Variants in SCLT1 observed in about 807,000 individuals in gnomAD.
The protein encoded by SCLT1 is sodium channel-associated protein 1.
A neutral mutation model predicts 112.8 loss-of-function variants in SCLT1; 78 were observed. That is an observed-to-expected ratio of 0.69 (90% CI 0.58 to 0.83). The LOEUF is 0.83. Ranked by LOEUF, SCLT1 falls within the 40% of genes least tolerant of loss-of-function variation. The pLI is 0.00. For missense variants in SCLT1, 747 were observed against 770.4 expected (o/e 0.97, Z 0.36); for synonymous variants, 257 against 254.7 (o/e 1.01, Z -0.09).
intron 2 of SCLT1, among the ~76,000 whole-genome samples, chr4:129,050,375 T>C (rs1031250989): frequency 2.6e-5 from 4 of 152,222 alleles, no homozygotes; most frequent in African/African-American, 9.6e-5. Context: ...CATTCCTATT[T>C]ATACACAAAC....
chr4:129,053,787 C>G (rs572287348), intron 2 of SCLT1, among the ~76,000 whole-genome samples: 1 of 151,902 alleles, frequency 6.6e-6, no homozygotes, highest in Admixed American at 6.6e-5. Flanking sequence ...TGAATTTGAT[C>G]CTGTCATCAT....
At chr4:128,901,774 C>T (rs2167244) in intron 18 of SCLT1, among the ~76,000 whole-genome samples, 116,244 of 152,068 alleles carry the variant, frequency 0.76, 45,446 homozygotes, top group African/African-American at 0.94. Context: ...CATCAAATCT[C>T]TATGATATTA....
Position 128,999,774 on chromosome 4 carries a change from T to A in SCLT1, c.447A>T (p.Glu149Asp), listed in dbSNP as rs140181990. ...LANQEKTQAV[E>D]LWQTVSQELD... ...ACTCCTGAGAAACAGTCTGCCAGAG[T>A]TCCACAGCCTGAGTTTTTTCCTATT... is the stretch of plus-strand genomic sequence containing the variant. Residue 149 changes from glutamate (E) to aspartate (D), a missense_variant, in exon 7 of 21, where the codon GAA (glutamate) becomes GAT (aspartate). This residue lies in a region of SCLT1 where 723 missense variants were observed against 721.3 expected (regional missense o/e 1.00). Transcript: ENST00000281142. 1.1e-3 allele frequency: 1,694 copies of A among 1,599,560 alleles called. No homozygotes were observed. The highest frequency in any genetic ancestry group is 1.4e-3 in the Non-Finnish European group (1,626 of 1,172,770).
intron 9 of SCLT1, among the ~76,000 whole-genome samples, chr4:128,981,613 C>T (rs1300343938): frequency 6.6e-6 from 1 of 151,942 alleles, no homozygotes; most frequent in Non-Finnish European, 1.5e-5. Context: ...CAATTTCATC[C>T]TCGAGCCAAC....
At chr4:129,091,425 G>C (rs547674209) in intron 1 of SCLT1, among the ~76,000 whole-genome samples, 2 of 151,818 alleles carry the variant, frequency 1.3e-5, no homozygotes, top group East Asian at 3.9e-4. Context: ...GTTTTCCCCT[G>C]GTATTTGGAT....
intron 2 of SCLT1, among the ~76,000 whole-genome samples, chr4:129,051,675 A>T (rs949237509): frequency 3.9e-5 from 6 of 152,166 alleles, no homozygotes; most frequent in Admixed American, 1.3e-4. Flanking sequence ...CTCCAAACAG[A>T]GACAATATGA....
chr4:128,884,646 T>C (rs1269580368), intron 20 of SCLT1, 107 bp from the exon 21 acceptor site: 6 of 708,160 alleles, frequency 8.5e-6, no homozygotes, highest in Admixed American at 2.4e-5. Flanking sequence ...AATGGTCTTA[T>C]TGGAAAGGGT....
At chr4:128,937,706 T>C (rs2125983331) in intron 17 of SCLT1, among the ~76,000 whole-genome samples, 1 of 152,322 alleles carries the variant, frequency 6.6e-6, no homozygotes, top group South Asian at 2.1e-4. Flanking sequence ...ATATAAACAA[T>C]GATTTTGAAA....
At chr4:128,908,157 G>T (rs1734823862) in intron 18 of SCLT1, among the ~76,000 whole-genome samples, 1 of 152,050 alleles carries the variant, frequency 6.6e-6, no homozygotes, top group South Asian at 2.1e-4. Context: ...TTATATGAGA[G>T]AATTAAAAAC....
chr4:129,066,873 T>C (rs1391527012), intron 2 of SCLT1, among the ~76,000 whole-genome samples: 1 of 152,068 alleles, frequency 6.6e-6, no homozygotes, highest in African/African-American at 2.4e-5. Flanking sequence ...ATGAATAGTA[T>C]TGAAAAACAC....
At chr4:128,944,275 A>C (rs968356939) in intron 16 of SCLT1, among the ~76,000 whole-genome samples, 1 of 152,174 alleles carries the variant, frequency 6.6e-6, no homozygotes, top group Non-Finnish European at 1.5e-5. Flanking sequence ...AGGGAATGAT[A>C]ATAAAAGGAT....
chr4:129,046,668 G>A (rs1748213898), intron 2 of SCLT1, among the ~76,000 whole-genome samples: 1 of 152,020 alleles, frequency 6.6e-6, no homozygotes. Context: ...ATTGGTATAG[G>A]CATTTCTGAT....
chr4:128,922,642 T>C (rs1054101499), intron 18 of SCLT1, among the ~76,000 whole-genome samples: 49 of 152,074 alleles, frequency 3.2e-4, no homozygotes, highest in Non-Finnish European at 7.1e-4. Context: ...AGACACCTAC[T>C]TGAGGATGGA....
intron 2 of SCLT1, among the ~76,000 whole-genome samples, chr4:129,063,717 C>T (rs1750207173): frequency 6.6e-6 from 1 of 152,194 alleles, no homozygotes; most frequent in African/African-American, 2.4e-5. Context: ...GGATACACAG[C>T]CCTTTCTTGA....
chr4:128,952,540 A>G, intron 14 of SCLT1: 1 of 570,074 alleles, frequency 1.8e-6, no homozygotes, highest in Non-Finnish European at 3.2e-6. Flanking sequence ...TCTCTGTCAA[A>G]GACAGGTAGT....
intron 9 of SCLT1, among the ~76,000 whole-genome samples, chr4:128,990,359 A>T (rs1742453669): frequency 6.6e-6 from 1 of 152,018 alleles, no homozygotes; most frequent in Non-Finnish European, 1.5e-5. Flanking sequence ...ATTTCAATTG[A>T]TGCTGAAAAA....
At chr4:129,005,510 G>C (rs1579667496) in intron 5 of SCLT1, among the ~76,000 whole-genome samples, 2 of 152,252 alleles carry the variant, frequency 1.3e-5, no homozygotes, top group East Asian at 3.9e-4. Flanking sequence ...AAAAAGCCAG[G>C]AAACAACAGG....
At position 129,084,541 on chromosome 4, in the gene SCLT1, C is replaced by T. The variant is rs900762391; in HGVS notation, c.35-2168G>A. 4.6e-5 allele frequency among the ~76,000 whole-genome samples: 7 copies of T among 151,854 alleles called. No homozygotes were observed. In the South Asian group the frequency reaches 8.3e-4, roughly 18 times the overall value. On this transcript the variant is annotated intron_variant, in intron 1 of 20. Transcript: ENST00000281142. ...AAAAACTTTAAAATTCATATGAAACCAAAAAAGAGACTGAATAGCCAAAGC... is the reference window on the plus strand; with the variant it reads ...AAAAACTTTAAAATTCATATGAAACTAAAAAAGAGACTGAATAGCCAAAGC...
chr4:129,068,944 TTTTG>T (rs1482105941), intron 2 of SCLT1, among the ~76,000 whole-genome samples: 1 of 152,188 alleles, frequency 6.6e-6, no homozygotes, highest in Non-Finnish European at 1.5e-5. Context: ...TTGAGTTGAT[TTTTG>T]TTTAAGGTGG....
Sources: allele counts gnomAD v4.1 joint callset (sites outside exome capture counted in the v4.1 genomes callset), GRCh38; gene constraint gnomAD v4.1.1; regional missense constraint gnomAD v4.1.1; transcripts MANE v1.5; gene names NCBI Gene and HGNC (gene_info 2026-07-23, HGNC 2026-07-21).